CCDC38: variants seen among roughly 807,000 people sequenced by gnomAD.
The protein encoded by CCDC38 is coiled-coil domain containing 38.
CCDC38 carries 69 observed loss-of-function variants against 72.8 expected under a neutral mutation model. The ratio of observed to expected loss-of-function variants is 0.95; its 90% confidence interval spans 0.78 to 1.16. The LOEUF is 1.16. Among genes scored for constraint, CCDC38 ranks in the 50% most tolerant of loss-of-function variants. The probability of loss-of-function intolerance (pLI) is 0.00; values close to 1 mark genes in which losing one functional copy is unlikely to be tolerated. For missense variants in CCDC38, 626 were observed against 638.9 expected, an observed-to-expected ratio of 0.98 and a Z score of 0.22; for synonymous variants, 201 against 213.2, an observed-to-expected ratio of 0.94 and a Z score of 0.50.
intron 10 of CCDC38, among the ~76,000 whole-genome samples, chr12:95,888,103 C>A (rs567291978): frequency 6.6e-6 from 1 of 151,934 alleles, no homozygotes; most frequent in East Asian, 1.9e-4. Flanking sequence ...AAAACAACAA[C>A]AAAAAAATAC....
intron 14 of CCDC38, among the ~76,000 whole-genome samples, chr12:95,871,850 C>G (rs2079584186): frequency 6.6e-6 from 1 of 152,152 alleles, no homozygotes. Flanking sequence ...AATTCTATAT[C>G]TTGGGTCCTT....
At chr12:95,877,880 G>T (rs879846) in intron 13 of CCDC38, among the ~76,000 whole-genome samples, 47,708 of 151,912 alleles carry the variant, frequency 0.31, 7,849 homozygotes, top group Non-Finnish European at 0.35. Flanking sequence ...AATTACTCCT[G>T]GAATTACCAC....
At chr12:95,925,526 C>T (rs1261471154) in intron 2 of CCDC38, among the ~76,000 whole-genome samples, 1 of 152,130 alleles carries the variant, frequency 6.6e-6, no homozygotes, top group African/African-American at 2.4e-5. Context: ...ATTGAATACC[C>T]TTTATTTCCT....
At chr12:95,885,132 T>C (rs575549112) in intron 10 of CCDC38, 1 of 152,578 alleles carries the variant, frequency 6.6e-6, no homozygotes, top group Non-Finnish European at 1.5e-5. Flanking sequence ...TACAGGCCAT[T>C]TCCTGTTCCC....
intron 7 of CCDC38, among the ~76,000 whole-genome samples, chr12:95,897,794 C>T (rs192129018): frequency 6.6e-6 from 1 of 152,162 alleles, no homozygotes; most frequent in African/African-American, 2.4e-5. Flanking sequence ...TGGGGTCCCA[C>T]TGTGTTGCTA....
chr12:95,882,134 T>G (rs1161252389), intron 10 of CCDC38, among the ~76,000 whole-genome samples: 1 of 152,154 alleles, frequency 6.6e-6, no homozygotes, highest in Non-Finnish European at 1.5e-5. Context: ...AAAAATCCTG[T>G]AAGAAAGATC....
At chr12:95,888,274 T>A (rs957322396) in intron 10 of CCDC38, among the ~76,000 whole-genome samples, 184 bp downstream of exon 10, 2 of 152,138 alleles carry the variant, frequency 1.3e-5, no homozygotes, top group Admixed American at 6.5e-5. Context: ...TAGCTGTAGG[T>A]ACTTAACAAA....
chr12:95,905,882 T>C (rs1407300585), intron 5 of CCDC38, among the ~76,000 whole-genome samples: 1 of 152,196 alleles, frequency 6.6e-6, no homozygotes, highest in East Asian at 1.9e-4. Flanking sequence ...TCTATTATTT[T>C]TTATAAAAGA....
intron 4 of CCDC38, among the ~76,000 whole-genome samples, chr12:95,908,336 CCTGCAA>C (rs1592784493): frequency 6.7e-6 from 1 of 149,566 alleles, no homozygotes; most frequent in East Asian, 2.0e-4. Context: ...GCGGCGCGCG[CCTGCAA>C]TCGCAGGCAC....
chr12:95,927,171 G>C (rs2080280687), intron 2 of CCDC38, among the ~76,000 whole-genome samples: 1 of 152,220 alleles, frequency 6.6e-6, no homozygotes, highest in South Asian at 2.1e-4. Context: ...TAATGTGTGG[G>C]AGTCTAAGTC....
rs2079916634 is a variant in CCDC38 at position 95,898,567 on chromosome 12, C to T, written c.533+1G>A. 6.2e-7 allele frequency: 1 copy of T among 1,614,048 alleles called. No individual in the cohort carries two copies. Among genetic ancestry groups the T allele is most frequent in the South Asian group, 1.1e-5 (1 of 91,076 alleles). On this transcript the variant is annotated splice_donor_variant, in intron 6 of 15. Transcript: ENST00000344280. LOFTEE classifies it high-confidence loss of function. ...GATTTGGCCAGAGTGATGAAACAAA[C>T]ATTTTCAGAGCGTCTACAGATCTCT...
intron 15 of CCDC38, 130 bp from the exon 16 acceptor site, chr12:95,867,319 A>C: frequency 3.2e-6 from 2 of 633,258 alleles, no homozygotes. Flanking sequence ...AACTAATCAC[A>C]GTTAAAAGGG....
intron 4 of CCDC38, among the ~76,000 whole-genome samples, chr12:95,913,266 T>G (rs1428797481): frequency 6.6e-6 from 1 of 152,168 alleles, no homozygotes; most frequent in Non-Finnish European, 1.5e-5. Context: ...AATGAGGATA[T>G]TGCCTGTGGC....
intron 4 of CCDC38, among the ~76,000 whole-genome samples, chr12:95,913,830 G>A (rs2080118408): frequency 6.6e-6 from 1 of 151,974 alleles, no homozygotes; most frequent in Admixed American, 6.5e-5. Context: ...GGAGGTAAAA[G>A]AAAGCAAGCT....
rs562170507 is a variant in CCDC38 at position 95,925,834 on chromosome 12, G to A, written c.38-6858C>T. 9.9e-3 allele frequency among the ~76,000 whole-genome samples: 1,481 copies of A among 149,862 alleles called. 23 individuals carry two copies. Among genetic ancestry groups the A allele is most frequent in the African/African-American group, 0.034 (1,377 of 40,548 alleles). The stretch of plus-strand genomic sequence containing the variant: ...TTGTCTTTGGTTCTGTTTATATGCT[G>A]GATTACATTTATTGATTTGCGTATA... On this transcript the variant is annotated intron_variant, in intron 2 of 15. Transcript: ENST00000344280.
Position 95,898,485 on chromosome 12 carries a change from T to C in CCDC38, c.534-20A>G. On this transcript the variant is annotated intron_variant, in intron 6 of 15. Transcript: ENST00000344280. ...GCTGCCCTGAAAAGCAATGAAGATC[T>C]GTTAATTTGCTTCTTAGAAACAAAC... is the stretch of plus-strand genomic sequence containing the variant. 1 of 1,613,450 alleles carries C rather than the reference T, an allele frequency of 6.2e-7. No homozygotes were observed. Among genetic ancestry groups the C allele is most frequent in the Non-Finnish European group, 8.5e-7 (1 of 1,179,858 alleles).
At chr12:95,940,276 G>A (rs1235523047) in intron 1 of CCDC38, among the ~76,000 whole-genome samples, 1 of 152,168 alleles carries the variant, frequency 6.6e-6, no homozygotes, top group Non-Finnish European at 1.5e-5. Flanking sequence ...AAATCTGGGG[G>A]ACCTGAATCA....
chr12:95,870,873 C>T (rs897191847), intron 14 of CCDC38, among the ~76,000 whole-genome samples: 6 of 152,188 alleles, frequency 3.9e-5, no homozygotes, highest in South Asian at 4.1e-4. Context: ...ACTTACTATG[C>T]GCCAAGCATG....
chr12:95,875,813 A>G (rs1236354868), intron 13 of CCDC38, among the ~76,000 whole-genome samples: 1 of 152,206 alleles, frequency 6.6e-6, no homozygotes, highest in Non-Finnish European at 1.5e-5. Flanking sequence ...TAGCCATTTA[A>G]AAAGGAATTT....
Sources: gnomAD v4.1 joint callset for allele counts (sites outside exome capture counted in the v4.1 genomes callset) on GRCh38, gnomAD v4.1.1 for gene constraint, MANE v1.5 for transcripts, NCBI Gene and HGNC (gene_info 2026-07-23, HGNC 2026-07-21) for gene names.